The following POLR3B variants were observed in gnomAD, a reference collection of about 807,000 sequenced individuals.
The protein encoded by POLR3B is RNA polymerase III subunit B, also known as DNA-directed RNA polymerase III subunit RPC2.
POLR3B carries 96 observed loss-of-function variants against 147.4 expected under a neutral mutation model. The ratio of observed to expected loss-of-function variants is 0.65; its 90% CI spans 0.55 to 0.77. The LOEUF is 0.77. POLR3B is among the 30% of genes least tolerant of loss of function. The probability of loss-of-function intolerance (pLI) is 0.00; values close to 1 mark genes in which losing one functional copy is unlikely to be tolerated. For synonymous variants in POLR3B, 461 were observed against 485.9 expected (o/e 0.95, Z 0.67); for missense variants, 1,036 against 1,413.5 (o/e 0.73, Z 4.28).
At chr12:106,453,168 T>C (rs2037819266) in intron 19 of POLR3B, among the ~76,000 whole-genome samples, 2 of 151,352 alleles carry the variant, frequency 1.3e-5, no homozygotes, top group South Asian at 4.2e-4. Context: ...GGGACTACCA[T>C]GCCCCGTTAA....
At chr12:106,426,725 G>A (rs912399788) in intron 12 of POLR3B, among the ~76,000 whole-genome samples, 3 of 151,768 alleles carry the variant, frequency 2.0e-5, no homozygotes, top group Admixed American at 1.3e-4. Flanking sequence ...CACAGGGATG[G>A]GTAGATAATG....
At chr12:106,366,377 A>T in intron 2 of POLR3B, 139 bp from the exon 3 acceptor site, 1 of 685,322 alleles carries the variant, frequency 1.5e-6, no homozygotes, top group South Asian at 1.6e-5. Flanking sequence ...TTCATGGATT[A>T]TTTTTCTCAT....
chr12:106,418,474 A>G (rs1383531518), intron 12 of POLR3B, among the ~76,000 whole-genome samples: 1 of 152,208 alleles, frequency 6.6e-6, no homozygotes, highest in Non-Finnish European at 1.5e-5. Flanking sequence ...GAAAAGGAGA[A>G]TTTGGCACTC....
At position 106,427,178 on chromosome 12, in the gene POLR3B, C is replaced by CT; in HGVS notation, c.1102-19_1102-18insT. On this transcript the variant is annotated intron_variant, in intron 12 of 27. Transcript: ENST00000228347. ...ATGCTTTTTGAAAAATCACCATATACCTTTTTTTTTTTTTTTAGCTTTTAT... is the reference window on the plus strand; with the variant it reads ...ATGCTTTTTGAAAAATCACCATATACTCTTTTTTTTTTTTTTTAGCTTTTAT... 4 of 1,184,950 alleles carry CT rather than the reference C, an allele frequency of 3.4e-6. No individual in the cohort carries two copies. The highest frequency in any genetic ancestry group is 4.8e-6 in the Non-Finnish European group (4 of 841,134). 73.4% of individuals were successfully genotyped at this position (1,184,950 alleles called of 1,614,324 possible).
intron 23 of POLR3B, among the ~76,000 whole-genome samples, chr12:106,473,944 G>C (rs1336861354): frequency 6.6e-6 from 1 of 150,682 alleles, no homozygotes; most frequent in South Asian, 2.1e-4. Flanking sequence ...TCCTGTGACA[G>C]TTTTCAAAGG....
intron 4 of POLR3B, among the ~76,000 whole-genome samples, chr12:106,367,859 A>G (rs1396804654): frequency 6.6e-6 from 1 of 152,178 alleles, no homozygotes; most frequent in African/African-American, 2.4e-5. Context: ...CAACAGTTTT[A>G]GCATACATTG....
At chr12:106,411,670 G>A (rs1416366700) in intron 12 of POLR3B, among the ~76,000 whole-genome samples, 1 of 152,152 alleles carries the variant, frequency 6.6e-6, no homozygotes, top group South Asian at 2.1e-4. Flanking sequence ...CTCAGTGGAA[G>A]GGAGAGAGAC....
At chr12:106,477,537 C>T (rs2038191562) in intron 23 of POLR3B, among the ~76,000 whole-genome samples, 1 of 151,528 alleles carries the variant, frequency 6.6e-6, no homozygotes, top group African/African-American at 2.4e-5. Context: ...GTAGGACCCT[C>T]CGAGCCAGGT....
Position 106,457,265 on chromosome 12 carries a change from A to AATCT in POLR3B, c.2422_2425dup (p.Leu809TyrfsTer12). 6.2e-7 allele frequency: 1 copy of AATCT among 1,613,886 alleles called. No individual in the cohort carries two copies. Among genetic ancestry groups the AATCT allele is most frequent in the South Asian group, 1.1e-5 (1 of 91,076 alleles). On this transcript the variant is annotated frameshift_variant, in exon 21 of 28. Coordinates refer to ENST00000228347, the MANE Select transcript of POLR3B (RefSeq NM_018082.6). LOFTEE classifies it high-confidence loss of function. ...CAAGGAAACCTATCTGGCGACATGA[A>AATCT]ATCTTAGATGCAGATGGTATTTGTT...
chr12:106,426,839 T>TAC (rs2037444378), intron 12 of POLR3B, among the ~76,000 whole-genome samples: 2 of 25,290 alleles, frequency 7.9e-5, no homozygotes, highest in African/African-American at 1.7e-4. Context: ...TTCTCCACCG[T>TAC]CCCCCCCCCC....
chr12:106,357,773 G>C lies in POLR3B; in HGVS notation c.-107G>C. On this transcript the variant is annotated 5_prime_UTR_variant, in exon 1 of 28. Coordinates refer to ENST00000228347, the MANE Select transcript of POLR3B (RefSeq NM_018082.6). ...GTCTCTAGCTAACACGCACGGCGGG[G>C]ACAGTTTAGGCCTCCGCGCACCGTT... 1.8e-6 allele frequency: 2 copies of C among 1,103,046 alleles called. No homozygotes were observed. Among genetic ancestry groups the C allele is most frequent in the Admixed American group, 4.0e-5 (2 of 50,488 alleles). The allele number at this position is 1,103,046 out of a possible 1,614,324, so 68.3% of individuals were successfully genotyped here.
At chr12:106,380,002 C>T (rs1287056587) in intron 8 of POLR3B, 29 bp from the exon 9 acceptor site, 2 of 1,315,918 alleles carry the variant, frequency 1.5e-6, no homozygotes, top group South Asian at 1.2e-5. Context: ...AGTGGGGATG[C>T]AGTTTAACCA....
At chr12:106,449,297 C>T (rs1006407667) in intron 19 of POLR3B, among the ~76,000 whole-genome samples, 5 of 152,144 alleles carry the variant, frequency 3.3e-5, no homozygotes, top group African/African-American at 4.8e-5. Flanking sequence ...CCACTTGTGG[C>T]GGCATGTTGG....
At chr12:106,452,139 C>T (rs1162904045) in intron 19 of POLR3B, among the ~76,000 whole-genome samples, 1 of 152,066 alleles carries the variant, frequency 6.6e-6, no homozygotes, top group Non-Finnish European at 1.5e-5. Flanking sequence ...GGTTAGTCAG[C>T]CATTCATTAT....
rs562588427 is a variant in POLR3B at position 106,488,530 on chromosome 12, G to A, written c.2714-7525G>A. ...GTGGTCTAGACTTCTAGGTATTTTCGAGTGAAGCCATGACTTATCTGGTTG... is the reference window on the plus strand; with the variant it reads ...GTGGTCTAGACTTCTAGGTATTTTCAAGTGAAGCCATGACTTATCTGGTTG... On this transcript the variant is annotated intron_variant, in intron 23 of 27. Transcript: ENST00000228347. Among the ~76,000 whole-genome samples the A allele has an allele frequency of 3.9e-5, 6 of 152,220 alleles. No individual in the cohort carries two copies. In the East Asian group the frequency reaches 1.2e-3, roughly 29 times the overall value.
At position 106,509,626 on chromosome 12, in the gene POLR3B, G is replaced by T. The variant is rs964489207; in HGVS notation, c.*77G>T. 2 of 1,301,512 alleles carry T rather than the reference G, an allele frequency of 1.5e-6. No individual in the cohort carries two copies. Among genetic ancestry groups the T allele is most frequent in the African/African-American group, 1.5e-5 (1 of 68,930 alleles). The allele number at this position is 1,301,512 out of a possible 1,614,324, so 80.6% of individuals were successfully genotyped here. A position where few individuals can be genotyped will look rare whatever the true frequency, so the allele number is the denominator to read the frequency against. ...GAAAGCAGAAGGGATTTAGGACTAC[G>T]TCTCCTCCTGTGAAGAATTCCCTTG... On this transcript the variant is annotated 3_prime_UTR_variant, in exon 28 of 28. Transcript: ENST00000228347.
At chr12:106,387,986 C>T (rs7137271) in intron 9 of POLR3B, among the ~76,000 whole-genome samples, 2,467 of 152,116 alleles carry the variant, frequency 0.016, 66 homozygotes, top group African/African-American at 0.057. Flanking sequence ...GTTGTGTGGC[C>T]CTAACACAGA....
At chr12:106,401,621 A>G (rs529412945) in intron 10 of POLR3B, among the ~76,000 whole-genome samples, 3 of 152,360 alleles carry the variant, frequency 2.0e-5, no homozygotes, top group African/African-American at 7.2e-5. Context: ...ACCATGATCA[A>G]GTGGACTTCA....
intron 9 of POLR3B, among the ~76,000 whole-genome samples, chr12:106,390,271 C>G (rs538800073): frequency 3.2e-5 from 3 of 93,350 alleles, no homozygotes; most frequent in Non-Finnish European, 6.3e-5. Flanking sequence ...TCTCTCCCCC[C>G]CCAGTTTTTT....
Sources: allele counts gnomAD v4.1 joint callset (sites outside exome capture counted in the v4.1 genomes callset), GRCh38; gene constraint gnomAD v4.1.1; transcripts MANE v1.5; gene names NCBI Gene and HGNC (gene_info 2026-07-23, HGNC 2026-07-21).